TRPC5: variants seen among roughly 807,000 people sequenced by gnomAD.
TRPC5 encodes transient receptor potential cation channel subfamily C member 5, also known as short transient receptor potential channel 5.
TRPC5 carries 9 observed loss-of-function variants against 56.5 expected under a neutral mutation model. The observed-to-expected ratio is 0.16, with a 90% confidence interval of 0.10 to 0.28. The LOEUF (loss-of-function observed/expected upper bound fraction) is 0.28. Among genes scored for constraint, TRPC5 ranks in the 10% least tolerant of loss-of-function variants. The pLI, the probability that TRPC5 is intolerant of heterozygous loss-of-function variation, is 1.00. For synonymous variants in TRPC5, 282 were observed against 278.5 expected (o/e 1.01, Z -0.13); for missense variants, 469 against 748.9 (o/e 0.63, Z 4.36).
chrX:111,949,791 C>T (rs1428278678), intron 2 of TRPC5, among the ~76,000 whole-genome samples: 1 of 111,689 alleles, frequency 9.0e-6, no homozygotes, highest in Non-Finnish European at 1.9e-5. Context: ...TGTGGAGATT[C>T]CTTAAAGAAC....
intron 3 of TRPC5, among the ~76,000 whole-genome samples, chrX:111,898,954 A>G (rs994696385): frequency 9.1e-6 from 1 of 110,251 alleles, no homozygotes; most frequent in African/African-American, 3.3e-5. Flanking sequence ...CTAGGCATAA[A>G]CTATCCAAAA....
chrX:111,944,304 G>GTGTGTGTGTGAGAA lies in TRPC5; in HGVS notation c.378+7738_378+7739insTTCTCACACACACA, dbSNP rs1556592186. ...TGTGTGTGTGTGTGTGTGTGTGTGT[G>GTGTGTGTGTGAGAA]AGAGAGAGAGAGAGAGAGAGAGAGA... On this transcript the variant is annotated intron_variant, in intron 2 of 10. Coordinates refer to ENST00000262839, the MANE Select transcript of TRPC5 (RefSeq NM_012471.3). Among the ~76,000 whole-genome samples the GTGTGTGTGTGAGAA allele has an allele frequency of 8.3e-3, 581 of 70,168 alleles. 8 individuals carry two copies. The highest frequency in any genetic ancestry group is 0.036 in the African/African-American group (547 of 15,018). The allele number at this position is 70,168 out of a possible 115,157, so 60.9% of individuals were successfully genotyped here. A position where few individuals can be genotyped will look rare whatever the true frequency, so the allele number is the denominator to read the frequency against.
At chrX:111,802,959 G>A (rs1441672215) in intron 7 of TRPC5, among the ~76,000 whole-genome samples, 3 of 110,574 alleles carry the variant, frequency 2.7e-5, no homozygotes, top group African/African-American at 9.9e-5. Flanking sequence ...TTGGTGTGCT[G>A]CACCCATCAA....
In TRPC5 at chrX:111,825,207, CT is replaced by C. The variant is rs1311074902; in HGVS notation, c.1896+9713del. ...TCTTTCTTTCTTTCTTTCTTTCTTT[CT>C]TTCTTTCTTTCTTCTTTCTTTCTCT... On this transcript the variant is annotated intron_variant, in intron 7 of 10. Coordinates refer to ENST00000262839, the MANE Select transcript of TRPC5 (RefSeq NM_012471.3). Among the ~76,000 whole-genome samples, 224 of 59,106 alleles carry C rather than the reference CT, an allele frequency of 3.8e-3. 1 individual carries two copies. The highest frequency in any genetic ancestry group is 5.3e-3 in the Non-Finnish European group (151 of 28,481). The allele number at this position is 59,106 out of a possible 115,157, so 51.3% of individuals were successfully genotyped here. A position where few individuals can be genotyped will look rare whatever the true frequency, so the allele number is the denominator to read the frequency against.
chrX:111,797,851 T>C (rs1376286208), intron 7 of TRPC5, among the ~76,000 whole-genome samples: 2 of 111,733 alleles, frequency 1.8e-5, no homozygotes, highest in Non-Finnish European at 3.8e-5. Flanking sequence ...ATTATATACA[T>C]CATAAAATTA....
At chrX:111,789,336 T>A (rs1427445447) in intron 7 of TRPC5, among the ~76,000 whole-genome samples, 1 of 111,907 alleles carries the variant, frequency 8.9e-6, no homozygotes, top group Non-Finnish European at 1.9e-5. Context: ...ATTTAATAAA[T>A]GGTACTGGGA....
intron 3 of TRPC5, among the ~76,000 whole-genome samples, chrX:111,859,900 G>GA (rs1316309215): frequency 8.9e-6 from 1 of 112,427 alleles, no homozygotes; most frequent in Admixed American, 9.3e-5. Context: ...CCTACAACTA[G>GA]TTTTTTTGTT....
chrX:111,805,248 T>C (rs1921462232), intron 7 of TRPC5, among the ~76,000 whole-genome samples: 1 of 112,102 alleles, frequency 8.9e-6, no homozygotes. Flanking sequence ...CTGGATTTGG[T>C]TTGCCAGTAT....
At chrX:112,030,444 A>G (rs1312532362) in intron 1 of TRPC5, among the ~76,000 whole-genome samples, 1 of 112,289 alleles carries the variant, frequency 8.9e-6, no homozygotes, top group Non-Finnish European at 1.9e-5. Context: ...AGCATTCCGA[A>G]TCCTGGAGCC....
intron 3 of TRPC5, among the ~76,000 whole-genome samples, chrX:111,897,890 C>A (rs1009116620): frequency 5.4e-5 from 6 of 110,802 alleles, no homozygotes; most frequent in Non-Finnish European, 1.1e-4. Flanking sequence ...TGGGTAAATA[C>A]CTATGAGTAG....
At chrX:111,938,707 A>G (rs1926679083) in intron 2 of TRPC5, among the ~76,000 whole-genome samples, 1 of 111,874 alleles carries the variant, frequency 8.9e-6, no homozygotes, top group African/African-American at 3.2e-5. Context: ...CCACTTGATC[A>G]TGGTGGATAA....
intron 7 of TRPC5, among the ~76,000 whole-genome samples, chrX:111,804,051 T>C (rs1275022878): frequency 4.5e-5 from 5 of 112,238 alleles, no homozygotes; most frequent in African/African-American, 6.5e-5. Flanking sequence ...AGGGATCCAG[T>C]TTCAGCTTTC....
chrX:112,001,567 C>G (rs1285039790), intron 1 of TRPC5, among the ~76,000 whole-genome samples: 2 of 111,751 alleles, frequency 1.8e-5, no homozygotes, highest in Non-Finnish European at 3.8e-5. Context: ...CGAGACCAGC[C>G]TGGCCAACAC....
chrX:112,042,985 A>G (rs1406599444), intron 1 of TRPC5, among the ~76,000 whole-genome samples: 2 of 111,665 alleles, frequency 1.8e-5, no homozygotes, highest in African/African-American at 3.3e-5. Context: ...CTTCTCCATG[A>G]AACCTTCCTT....
intron 1 of TRPC5, among the ~76,000 whole-genome samples, chrX:112,007,984 C>T (rs1484788479): frequency 8.9e-6 from 1 of 111,757 alleles, no homozygotes; most frequent in Non-Finnish European, 1.9e-5. Flanking sequence ...ATCCTGCTGG[C>T]CATTCCCTGT....
At chrX:111,982,116 T>C (rs1366919251) in intron 1 of TRPC5, among the ~76,000 whole-genome samples, 3 of 112,203 alleles carry the variant, frequency 2.7e-5, no homozygotes, top group Non-Finnish European at 5.6e-5. Flanking sequence ...GTAAGTTTCC[T>C]GAGGCCTTTC....
rs375891905 is a variant in TRPC5 at position 111,948,625 on chromosome X, G to A, written c.378+3418C>T. 6.4e-3 allele frequency among the ~76,000 whole-genome samples: 698 copies of A among 109,119 alleles called. 4 individuals are homozygous for A. Among genetic ancestry groups the A allele is most frequent in the African/African-American group, 0.023 (674 of 29,864 alleles). 94.8% of individuals were successfully genotyped at this position (109,119 alleles called of 115,157 possible). ...TGTGCACCTCTAGTCCCAGCTGCTC[G>A]GGAGGCTGAGGCAGGAGAGTTGCTT... On this transcript the variant is annotated intron_variant, in intron 2 of 10. Transcript: ENST00000262839.
At chrX:111,990,734 T>C in intron 1 of TRPC5, among the ~76,000 whole-genome samples, 1 of 111,780 alleles carries the variant, frequency 8.9e-6, no homozygotes, top group East Asian at 2.8e-4. Context: ...ATGAGCTATG[T>C]CTGGGCATCA....
chrX:112,002,758 C>G (rs60662754), intron 1 of TRPC5, among the ~76,000 whole-genome samples: 19,093 of 111,487 alleles, frequency 0.17, 3,127 homozygotes, highest in African/African-American at 0.52. Flanking sequence ...AAAGTAAATA[C>G]ACAACATGCT....
Sources: allele counts gnomAD v4.1 joint callset (sites outside exome capture counted in the v4.1 genomes callset), GRCh38; gene constraint gnomAD v4.1.1; transcripts MANE v1.5; gene names NCBI Gene and HGNC (gene_info 2026-07-23, HGNC 2026-07-21).